The following ATF7 variants were observed in gnomAD, a reference collection of about 807,000 sequenced individuals.
ATF7 encodes the protein activating transcription factor 7.
A neutral mutation model predicts 50.4 loss-of-function variants in ATF7; 10 were observed. That is an observed-to-expected ratio of 0.20 (90% CI 0.12 to 0.34). The LOEUF is 0.34. Ranked by LOEUF, ATF7 falls within the 10% of genes least tolerant of loss-of-function variation. The pLI is 1.00. For synonymous variants in ATF7, 201 were observed against 226.4 expected, an observed-to-expected ratio of 0.89 and a Z score of 1.01; for missense variants, 465 against 613.9, an observed-to-expected ratio of 0.76 and a Z score of 2.56.
chr12:53,560,276 C>CT (rs945358911), intron 2 of ATF7, among the ~76,000 whole-genome samples: 105 of 145,996 alleles, frequency 7.2e-4, no homozygotes, highest in Middle Eastern at 3.5e-3. Flanking sequence ...AAAAAAGTGA[C>CT]TTTTTTTTTT....
At chr12:53,547,779 G>T (rs1288233132) in intron 3 of ATF7, among the ~76,000 whole-genome samples, 1 of 151,686 alleles carries the variant, frequency 6.6e-6, no homozygotes, top group Admixed American at 6.6e-5. Flanking sequence ...ATGTATGTAT[G>T]TATGTATGTA....
rs113804489 is a variant in ATF7 at position 53,544,106 on chromosome 12, C to T, written c.146-658G>A. ...GACCTAATTTCACAGAGACCTAGGC[C>T]CAGAGCAAGTTCCTGAAACCAGGGT... On this transcript the variant is annotated intron_variant, in intron 3 of 11. Coordinates refer to ENST00000420353, the MANE Select transcript of ATF7 (RefSeq NM_006856.3). Among the ~76,000 whole-genome samples, 910 of 152,200 alleles carry T rather than the reference C, an allele frequency of 6.0e-3. 5 individuals are homozygous for T. The highest frequency in any genetic ancestry group is 0.021 in the African/African-American group (872 of 41,536).
intron 2 of ATF7, among the ~76,000 whole-genome samples, chr12:53,594,968 G>A (rs958489385): frequency 6.6e-6 from 1 of 151,878 alleles, no homozygotes; most frequent in Non-Finnish European, 1.5e-5. Context: ...TCCACCACAG[G>A]TTACTGCAGC....
rs772716019 is a variant in ATF7, at chr12:53,600,938, A to G, written c.48+15T>C. The stretch of plus-strand genomic sequence containing the variant: ...CACAACGAGACATTCACAATAAAGT[A>G]TATTGTAAACGTACCTGTCCACAGC... On this transcript the variant is annotated intron_variant, in intron 2 of 11. Transcript: ENST00000420353. 8 of 1,611,096 alleles carry G rather than the reference A, an allele frequency of 5.0e-6. No homozygotes were observed.
chr12:53,549,775 G>A (rs779691382), intron 3 of ATF7, among the ~76,000 whole-genome samples: 7 of 151,972 alleles, frequency 4.6e-5, no homozygotes, highest in Non-Finnish European at 8.8e-5. Context: ...TAGTAGAGAC[G>A]GGGTTTCACT....
At chr12:53,576,920 G>C (rs901378556) in intron 2 of ATF7, among the ~76,000 whole-genome samples, 4 of 152,076 alleles carry the variant, frequency 2.6e-5, no homozygotes, top group African/African-American at 9.7e-5. Flanking sequence ...GTCGGGCATG[G>C]TTGCGCAAGA....
In ATF7 at chr12:53,524,871, C is replaced by T. The variant is rs1938352239; in HGVS notation, c.928-110G>A. The T allele has an allele frequency of 4.9e-6, 5 of 1,027,690 alleles. No homozygotes were observed. Among genetic ancestry groups the T allele is most frequent in the Non-Finnish European group, 6.8e-6 (5 of 731,010 alleles). The allele number at this position is 1,027,690 out of a possible 1,614,324, so 63.7% of individuals were successfully genotyped here. ...ATCTGGTAAAAGGATATACCAGCCT[C>T]TGGTAACCACAGCAAGTCTCATTAC... On this transcript the variant is annotated intron_variant, in intron 9 of 11. Transcript: ENST00000420353. The surrounding 1 kb of genome is among the most constrained non-coding windows in gnomAD (Gnocchi z 4.6).
Position 53,611,558 on chromosome 12 carries a change from A to G in ATF7, c.-21-10537T>C, listed in dbSNP as rs111976447. The stretch of plus-strand genomic sequence containing the variant: ...AATTCAGCCTATCACCTATTTTTAT[A>G]TGGCCCACAAGCTAAGAGTAGTTTT... On this transcript the variant is annotated intron_variant, in intron 1 of 11. Transcript: ENST00000420353. 6.1e-3 allele frequency among the ~76,000 whole-genome samples: 926 copies of G among 152,290 alleles called. 7 individuals carry two copies. The highest frequency in any genetic ancestry group is 0.021 in the African/African-American group (887 of 41,572).
intron 2 of ATF7, among the ~76,000 whole-genome samples, chr12:53,578,171 G>A (rs1202978571): frequency 6.6e-6 from 1 of 152,116 alleles, no homozygotes; most frequent in East Asian, 1.9e-4. Context: ...CCAGGAGTTT[G>A]AGACTAGCCT....
chr12:53,534,414 T>C (rs769748714), intron 6 of ATF7, 88 bp downstream of exon 6: 1 of 1,567,194 alleles, frequency 6.4e-7, no homozygotes, highest in South Asian at 1.1e-5. Context: ...TCCTTGGGTA[T>C]TGGAAAACAG....
chr12:53,524,863 AC>A lies in ATF7; in HGVS notation c.928-103del. On this transcript the variant is annotated intron_variant, in intron 9 of 11. Transcript: ENST00000420353. This position sits in a 1 kb window ranked among gnomAD's most constrained non-coding sequence, Gnocchi z 4.6. The stretch of plus-strand genomic sequence containing the variant: ...GTAGTAAGATCTGGTAAAAGGATAT[AC>A]CAGCCTCTGGTAACCACAGCAAGTC... 1 of 1,119,732 alleles carries A rather than the reference AC, an allele frequency of 8.9e-7. No homozygotes were observed. Among genetic ancestry groups the A allele is most frequent in the Non-Finnish European group, 1.2e-6 (1 of 813,402 alleles). 69.4% of individuals were successfully genotyped at this position (1,119,732 alleles called of 1,614,324 possible).
rs1938910641 is a variant in ATF7, at chr12:53,531,744, C to T, written c.927G>A (p.Gln309=). The part of the protein sequence containing the change: ...HPDAPSPAQP[Q]VSPAQPTPST... ...GACATAAAGAGTAAGAGCCACTGACCTGTGGCTGGGCAGGGGATGGGGCAT... is the reference window on the plus strand; with the variant it reads ...GACATAAAGAGTAAGAGCCACTGACTTGTGGCTGGGCAGGGGATGGGGCAT... The change falls in exon 9 of 12, where the codon CAG becomes CAA. Residue 309 remains glutamine, a splice_region_variant and synonymous_variant. Coordinates refer to ENST00000420353, the MANE Select transcript of ATF7 (RefSeq NM_006856.3). 6.2e-7 allele frequency: 1 copy of T among 1,610,298 alleles called. No homozygotes were observed. The highest frequency in any genetic ancestry group is 8.5e-7 in the Non-Finnish European group (1 of 1,178,494).
intron 2 of ATF7, among the ~76,000 whole-genome samples, chr12:53,586,159 G>A (rs1378239464): frequency 6.6e-6 from 1 of 152,166 alleles, no homozygotes; most frequent in African/African-American, 2.4e-5. Flanking sequence ...TAGAAGGAAA[G>A]AACAGGAAAG....
At chr12:53,533,030 G>A in intron 7 of ATF7, 130 bp downstream of exon 7, 1 of 777,808 alleles carries the variant, frequency 1.3e-6, no homozygotes, top group Non-Finnish European at 2.1e-6. Context: ...GTTTAGGCAG[G>A]CTGCCATGCT....
intron 9 of ATF7, among the ~76,000 whole-genome samples, chr12:53,529,734 CATAT>C (rs71444809): frequency 7.0e-6 from 1 of 143,530 alleles, no homozygotes; most frequent in Admixed American, 6.9e-5. Flanking sequence ...CACACACACA[CATAT>C]ATATATGTTT....
rs1937623981 is a variant in ATF7 at position 53,514,834 on chromosome 12, A to C, written c.*2303T>G. ...AAAACACTTGACTGAAGGGGGAAGAAAAATAGTCAAGAGTCTTAGGAAAGC... is the reference window on the plus strand; with the variant it reads ...AAAACACTTGACTGAAGGGGGAAGACAAATAGTCAAGAGTCTTAGGAAAGC... On this transcript the variant is annotated 3_prime_UTR_variant, in exon 12 of 12. Transcript: ENST00000420353. 1 of 152,214 alleles carries C rather than the reference A, an allele frequency of 6.6e-6. No homozygotes were observed. Among genetic ancestry groups the C allele is most frequent in the Non-Finnish European group, 1.5e-5 (1 of 68,036 alleles). The allele number at this position is 152,214 out of a possible 1,614,324, so 9.4% of individuals were successfully genotyped here. A position where few individuals can be genotyped will look rare whatever the true frequency, so the allele number is the denominator to read the frequency against.
chr12:53,587,843 A>ATATATATATATATATATTTTTTTTTTTTT, intron 2 of ATF7, among the ~76,000 whole-genome samples: 1 of 61,568 alleles, frequency 1.6e-5, no homozygotes, highest in Non-Finnish European at 3.4e-5. Context: ...ATATATATAT[A>ATATATATATATATATATTTTTTTTTTTTT]TTTTTTTTTT....
chr12:53,580,033 C>T (rs147314037), intron 2 of ATF7, among the ~76,000 whole-genome samples: 453 of 152,076 alleles, frequency 3.0e-3, no homozygotes, highest in African/African-American at 0.01. Flanking sequence ...TAGGTTCAAG[C>T]GATCCTCCTG....
At chr12:53,581,872 C>T (rs868435844) in intron 2 of ATF7, among the ~76,000 whole-genome samples, 2 of 150,518 alleles carry the variant, frequency 1.3e-5, no homozygotes, top group Non-Finnish European at 3.0e-5. Context: ...CCTATAATCC[C>T]GGCACTTTGG....
Sources: gnomAD v4.1 joint callset for allele counts (sites outside exome capture counted in the v4.1 genomes callset) on GRCh38, gnomAD v4.1.1 for gene constraint, Gnocchi (gnomAD v3.1) non-coding constraint, MANE v1.5 for transcripts, NCBI Gene and HGNC (gene_info 2026-07-23, HGNC 2026-07-21) for gene names.